KCNIP4: variants seen among roughly 807,000 people sequenced by gnomAD.
KCNIP4 encodes the protein potassium voltage-gated channel interacting protein 4, also known as Kv channel-interacting protein 4.
Under a neutral mutation model 34.0 loss-of-function variants are expected in KCNIP4, and 12 were observed. The ratio of observed to expected loss-of-function variants is 0.35; its 90% CI spans 0.23 to 0.57. The LOEUF (loss-of-function observed/expected upper bound fraction) is 0.57, where lower values mean the gene tolerates loss of function less well. KCNIP4 is among the 20% of genes least tolerant of loss of function. The pLI, the probability that KCNIP4 is intolerant of heterozygous loss-of-function variation, is 0.83. For missense variants in KCNIP4, 238 were observed against 311.7 expected (o/e 0.76, Z 1.78); for synonymous variants, 124 against 102.2 (o/e 1.21, Z -1.29).
At chr4:20,914,125 C>G (rs191976513) in intron 1 of KCNIP4, among the ~76,000 whole-genome samples, 107 of 151,816 alleles carry the variant, frequency 7.0e-4, no homozygotes, top group African/African-American at 2.4e-3. Flanking sequence ...CCATTGCACT[C>G]CAGCTTGGGC....
At chr4:21,452,783 AG>A (rs1178622217) in intron 1 of KCNIP4, among the ~76,000 whole-genome samples, 1 of 151,368 alleles carries the variant, frequency 6.6e-6, no homozygotes, top group African/African-American at 2.4e-5. Flanking sequence ...AAAAAAAAAA[AG>A]AGAAGGAAAA....
chr4:21,258,245 A>C (rs1761210053), intron 1 of KCNIP4, among the ~76,000 whole-genome samples: 1 of 152,182 alleles, frequency 6.6e-6, no homozygotes, highest in African/African-American at 2.4e-5. Context: ...GGTAGATTTG[A>C]GACATAAAAA....
chr4:21,565,006 T>A (rs1739746154), intron 1 of KCNIP4, among the ~76,000 whole-genome samples: 1 of 152,106 alleles, frequency 6.6e-6, no homozygotes, highest in Non-Finnish European at 1.5e-5. Context: ...AATTTCAACA[T>A]GAGGTTTGGG....
intron 1 of KCNIP4, among the ~76,000 whole-genome samples, chr4:21,281,768 A>G (rs1762790335): frequency 6.6e-6 from 1 of 152,164 alleles, no homozygotes. Flanking sequence ...CTTCCCATTG[A>G]TCTGAATATT....
intron 1 of KCNIP4, among the ~76,000 whole-genome samples, chr4:21,877,869 C>T (rs879770946): frequency 5.9e-5 from 9 of 152,172 alleles, no homozygotes; most frequent in Admixed American, 2.0e-4. Flanking sequence ...CTCCATGTCA[C>T]ACAATAGACA....
intron 1 of KCNIP4, among the ~76,000 whole-genome samples, chr4:21,818,980 CA>C (rs1722159055): frequency 6.6e-6 from 1 of 152,158 alleles, no homozygotes; most frequent in South Asian, 2.1e-4. Flanking sequence ...CACATCCTTT[CA>C]AAATAATGGA....
chr4:21,922,513 G>A lies in KCNIP4; in HGVS notation c.61+26058C>T, dbSNP rs184313385. Among the ~76,000 whole-genome samples the A allele has an allele frequency of 3.3e-3, 497 of 152,246 alleles. 2 individuals are homozygous for A. The highest frequency in any genetic ancestry group is 1.5e-3 in the Non-Finnish European group (105 of 68,024). On this transcript the variant is annotated intron_variant, in intron 1 of 8. Transcript: ENST00000382152. ...TCTTTTATATGCTTCATGGTTTTAA[G>A]ATTAATCAGAAAAGACATTTTGGAG...
intron 1 of KCNIP4, among the ~76,000 whole-genome samples, chr4:21,915,201 T>C (rs149477293): frequency 1.5e-4 from 23 of 152,256 alleles, no homozygotes; most frequent in African/African-American, 5.3e-4. Context: ...CAAATGGACA[T>C]GCCAGTGTTA....
chr4:21,112,143 C>T (rs1028515288), intron 1 of KCNIP4, among the ~76,000 whole-genome samples: 1 of 151,760 alleles, frequency 6.6e-6, no homozygotes, highest in African/African-American at 2.4e-5. Flanking sequence ...AGATCATAGT[C>T]AAGTTTAAGA....
chr4:20,889,151 G>A (rs1404497625), intron 1 of KCNIP4, among the ~76,000 whole-genome samples: 1 of 152,058 alleles, frequency 6.6e-6, no homozygotes, highest in Non-Finnish European at 1.5e-5. Context: ...CAGAACTTGT[G>A]AGGATAATCA....
intron 1 of KCNIP4, among the ~76,000 whole-genome samples, chr4:21,082,937 T>C (rs1210928367): frequency 1.3e-5 from 2 of 151,742 alleles, no homozygotes; most frequent in African/African-American, 4.9e-5. Flanking sequence ...CACAGAAATA[T>C]AACATTTTAC....
chr4:21,248,919 A>T (rs549225855), intron 1 of KCNIP4, among the ~76,000 whole-genome samples: 9 of 152,350 alleles, frequency 5.9e-5, no homozygotes, highest in Admixed American at 5.2e-4. Context: ...TTTAAAAGTC[A>T]GTGCTTTCGC....
chr4:21,866,762 A>ATTTTTTTTTTTTTTTTTTTT (rs770568451), intron 1 of KCNIP4, among the ~76,000 whole-genome samples: 1 of 82,698 alleles, frequency 1.2e-5, no homozygotes, highest in Non-Finnish European at 2.1e-5. Context: ...TTCAGCCTGG[A>ATTTTTTTTTTTTTTTTTTTT]TTTTTTTTTT....
At chr4:21,042,569 G>A (rs577780755) in intron 1 of KCNIP4, among the ~76,000 whole-genome samples, 9 of 152,218 alleles carry the variant, frequency 5.9e-5, no homozygotes, top group African/African-American at 1.7e-4. Context: ...CTTGGTCAAT[G>A]GCTACGAAGC....
At chr4:21,551,402 C>T (rs1314474810) in intron 1 of KCNIP4, among the ~76,000 whole-genome samples, 1 of 152,042 alleles carries the variant, frequency 6.6e-6, no homozygotes, top group Non-Finnish European at 1.5e-5. Flanking sequence ...AATCTATAGC[C>T]AGTCTCATAT....
chr4:21,127,839 T>C (rs1423460652), intron 1 of KCNIP4, among the ~76,000 whole-genome samples: 1 of 152,254 alleles, frequency 6.6e-6, no homozygotes, highest in Non-Finnish European at 1.5e-5. Context: ...AATCACTTTT[T>C]GCTAAGCATG....
At position 20,805,149 on chromosome 4, in the gene KCNIP4, C is replaced by T. The variant is rs1214419698; in HGVS notation, c.288+45394G>A. Among the ~76,000 whole-genome samples the T allele has an allele frequency of 3.5e-5, 5 of 142,668 alleles. No homozygotes were observed. In the East Asian group the frequency reaches 1.1e-3, roughly 31 times the overall value. 93.6% of individuals were successfully genotyped at this position (142,668 alleles called of 152,430 possible). A position where few individuals can be genotyped will look rare whatever the true frequency, so the allele number is the denominator to read the frequency against. On this transcript the variant is annotated intron_variant, in intron 3 of 8. Coordinates refer to ENST00000382152, the MANE Select transcript of KCNIP4 (RefSeq NM_025221.6). ...TAGGCAAAAGGAAGTTTTCAGACATCAGGAAAATACTAAGCAGAAAATATC... is the reference window on the plus strand; with the variant it reads ...TAGGCAAAAGGAAGTTTTCAGACATTAGGAAAATACTAAGCAGAAAATATC...
intron 1 of KCNIP4, among the ~76,000 whole-genome samples, chr4:21,799,078 G>C (rs1720832490): frequency 6.6e-6 from 1 of 151,888 alleles, no homozygotes; most frequent in Non-Finnish European, 1.5e-5. Flanking sequence ...TTACATTCTT[G>C]AAAGTATGAG....
At chr4:21,601,360 T>TG (rs1186192898) in intron 1 of KCNIP4, among the ~76,000 whole-genome samples, 1 of 152,018 alleles carries the variant, frequency 6.6e-6, no homozygotes, top group Non-Finnish European at 1.5e-5. Flanking sequence ...TCTCATTCCA[T>TG]GTATATAATC....
Sources: gnomAD v4.1 joint callset for allele counts (sites outside exome capture counted in the v4.1 genomes callset) on GRCh38, gnomAD v4.1.1 for gene constraint, MANE v1.5 for transcripts, NCBI Gene and HGNC (gene_info 2026-07-23, HGNC 2026-07-21) for gene names.